CDK8: variants seen among roughly 807,000 people sequenced by gnomAD.
CDK8 encodes cyclin-dependent kinase 8.
In CDK8, 29 loss-of-function variants were observed where a neutral mutation model predicts 71.5. The ratio of observed to expected loss-of-function variants is 0.41; its 90% CI spans 0.30 to 0.55. The LOEUF is 0.55. CDK8 is among the 20% of genes least tolerant of loss of function. CDK8 has a pLI of 0.37. For missense variants in CDK8, 288 were observed against 572.6 expected (o/e 0.50, Z 5.07); for synonymous variants, 161 against 192.1 (o/e 0.84, Z 1.34).
rs377377394 is a variant in CDK8, at chr13:26,287,904, G to A, written c.128+33135G>A. ...TATTTTCTACTATCCTGTGACTTGT[G>A]TTTTTACCCCTGTAGTGTTGTCTTT... is the stretch of plus-strand genomic sequence containing the variant. On this transcript the variant is annotated intron_variant, in intron 1 of 12. Coordinates refer to ENST00000381527, the MANE Select transcript of CDK8 (RefSeq NM_001260.3). Among the ~76,000 whole-genome samples the A allele has an allele frequency of 5.3e-5, 8 of 152,218 alleles. No individual in the cohort carries two copies. In the East Asian group the frequency reaches 1.5e-3, roughly 29 times the overall value.
rs77214729 is a variant in CDK8, at chr13:26,367,900, T to C, written c.456+14020T>C. ...ATCTTTTTCTCAAAGAAGAGTCAACTGTAGTGCTTATTTTCAAGGAGAGGA... is the reference window on the plus strand; with the variant it reads ...ATCTTTTTCTCAAAGAAGAGTCAACCGTAGTGCTTATTTTCAAGGAGAGGA... On this transcript the variant is annotated intron_variant, in intron 4 of 12. Coordinates refer to ENST00000381527, the MANE Select transcript of CDK8 (RefSeq NM_001260.3). Among the ~76,000 whole-genome samples, 349 of 152,284 alleles carry C rather than the reference T, an allele frequency of 2.3e-3. 14 individuals are homozygous for C. In the East Asian group the frequency reaches 0.058, roughly 25 times the overall value.
At chr13:26,302,352 C>G (rs750541847) in intron 1 of CDK8, among the ~76,000 whole-genome samples, 1 of 152,256 alleles carries the variant, frequency 6.6e-6, no homozygotes, top group Non-Finnish European at 1.5e-5. Flanking sequence ...AAGGGTCTTC[C>G]CAATTTTTTT....
chr13:26,354,429 T>C (rs558779314), intron 4 of CDK8, among the ~76,000 whole-genome samples: 66 of 152,356 alleles, frequency 4.3e-4, no homozygotes, highest in South Asian at 1.4e-3. Context: ...AACTGACTTT[T>C]TAATTTTACG....
chr13:26,373,470 A>G (rs1002757005), intron 4 of CDK8, among the ~76,000 whole-genome samples: 2 of 152,208 alleles, frequency 1.3e-5, no homozygotes, highest in Admixed American at 1.3e-4. Flanking sequence ...TCCTTTTGAT[A>G]TAACAATCTT....
chr13:26,401,541 A>G lies in CDK8; in HGVS notation c.1186A>G (p.Thr396Ala). 6.2e-7 allele frequency: 1 copy of G among 1,614,212 alleles called. No homozygotes were observed. The highest frequency in any genetic ancestry group is 8.5e-7 in the Non-Finnish European group (1 of 1,180,016). ...CCCAGGGAATCAAGACAGCAGTCAC[A>G]CACAGGGACCCCCGTTGAAGAAAGT... ...GHPGNQDSSH[T>A]QGPPLKKVRV... The change falls in exon 12 of 13, where the codon ACA becomes GCA. Residue 396 changes from threonine to alanine, a missense_variant. Coordinates refer to ENST00000381527, the MANE Select transcript of CDK8 (RefSeq NM_001260.3). This position sits in a 1 kb window ranked among gnomAD's most constrained non-coding sequence, Gnocchi z 4.5.
At chr13:26,272,574 CTT>C (rs2137873164) in intron 1 of CDK8, among the ~76,000 whole-genome samples, 1 of 152,328 alleles carries the variant, frequency 6.6e-6, no homozygotes, top group East Asian at 1.9e-4. Flanking sequence ...GGAGTACACT[CTT>C]TACTTTTTAT....
intron 1 of CDK8, among the ~76,000 whole-genome samples, chr13:26,270,342 T>A (rs1872248334): frequency 6.7e-6 from 1 of 149,864 alleles, no homozygotes; most frequent in Non-Finnish European, 1.5e-5. Context: ...TGAGCCAAGA[T>A]CACGCCATTG....
At chr13:26,292,951 A>G (rs1873369226) in intron 1 of CDK8, among the ~76,000 whole-genome samples, 1 of 151,990 alleles carries the variant, frequency 6.6e-6, no homozygotes, top group African/African-American at 2.4e-5. Context: ...TGTGGATTTT[A>G]TTTTATTTAT....
chr13:26,393,241 A>G (rs1396570336), intron 6 of CDK8, 126 bp from the exon 7 acceptor site: 1 of 608,344 alleles, frequency 1.6e-6, no homozygotes, highest in Non-Finnish European at 2.8e-6. Flanking sequence ...GAAAGAAAGA[A>G]AAAAACACTC....
intron 1 of CDK8, among the ~76,000 whole-genome samples, chr13:26,325,544 C>T (rs963136378): frequency 6.6e-6 from 1 of 152,010 alleles, no homozygotes; most frequent in African/African-American, 2.4e-5. Flanking sequence ...TGAGGTATCT[C>T]GGTAAGAAAA....
chr13:26,353,770 G>T lies in CDK8; in HGVS notation c.346G>T (p.Ala116Ser). 1 of 1,612,798 alleles carries T rather than the reference G, an allele frequency of 6.2e-7. No homozygotes were observed. Among genetic ancestry groups the T allele is most frequent in the Non-Finnish European group, 8.5e-7 (1 of 1,179,268 alleles). The change falls in exon 4 of 13, where the codon GCA (alanine) becomes TCA (serine). Residue 116 changes from alanine (A) to serine (S), a missense_variant. Ala to Ser is a moderately conservative substitution (Grantham distance 99). Coordinates refer to ENST00000381527, the MANE Select transcript of CDK8 (RefSeq NM_001260.3). ...HIIKFHRASK[A>S]NKKPVQLPRG... ...AATCAAGTTTCACAGAGCTTCTAAA[G>T]CAAACAAGAAGCCAGTTCAGTTACC...
rs752866068 is a variant in CDK8 at position 26,401,171 on chromosome 13, A to G, written c.1032-98A>G. On this transcript the variant is annotated intron_variant, in intron 10 of 12. Transcript: ENST00000381527. The surrounding 1 kb of genome is among the most constrained non-coding windows in gnomAD (Gnocchi z 4.5). ...GCTTATATTTGCAAATATGGAGACA[A>G]AGTTCATCTTAAAAGATTAAAATGA... 3 of 946,826 alleles carry G rather than the reference A, an allele frequency of 3.2e-6. No homozygotes were observed. Among genetic ancestry groups the G allele is most frequent in the Non-Finnish European group, 4.9e-6 (3 of 618,460 alleles). The allele number at this position is 946,826 out of a possible 1,614,324, so 58.7% of individuals were successfully genotyped here. A position where few individuals can be genotyped will look rare whatever the true frequency, so the allele number is the denominator to read the frequency against.
At chr13:26,358,668 T>C (rs570212131) in intron 4 of CDK8, among the ~76,000 whole-genome samples, 2 of 152,310 alleles carry the variant, frequency 1.3e-5, no homozygotes, top group South Asian at 4.1e-4. Context: ...CAAAGCAGGG[T>C]CTCAAAGAGG....
intron 1 of CDK8, among the ~76,000 whole-genome samples, chr13:26,319,722 T>C (rs1299873255): frequency 2.7e-5 from 4 of 150,674 alleles, no homozygotes; most frequent in South Asian, 2.1e-4. Context: ...AAACCCATCC[T>C]GAAATTAATA....
At chr13:26,324,480 G>T (rs1400424013) in intron 1 of CDK8, among the ~76,000 whole-genome samples, 1 of 152,134 alleles carries the variant, frequency 6.6e-6, no homozygotes, top group Admixed American at 6.6e-5. Flanking sequence ...AACACTTGGA[G>T]TATAACATGA....
At chr13:26,367,072 T>A in intron 4 of CDK8, among the ~76,000 whole-genome samples, 1 of 152,322 alleles carries the variant, frequency 6.6e-6, no homozygotes. Flanking sequence ...ACAGCTATAA[T>A]CCTTGAAGGT....
In CDK8 at chr13:26,373,507, A is replaced by C. The variant is rs755723444; in HGVS notation, c.457-9307A>C. Among the ~76,000 whole-genome samples, 120 of 152,326 alleles carry C rather than the reference A, an allele frequency of 7.9e-4. 1 individual carries two copies. Among genetic ancestry groups the C allele is most frequent in the Non-Finnish European group, 1.1e-3 (76 of 68,028 alleles). Reference sequence around the variant, plus strand: ...TAACAAATTTTCTTAAAGATATTATAAAGAATGGTGCAAGGGCCATCACAG... The same window carrying C: ...TAACAAATTTTCTTAAAGATATTATCAAGAATGGTGCAAGGGCCATCACAG... On this transcript the variant is annotated intron_variant, in intron 4 of 12. Transcript: ENST00000381527.
At chr13:26,290,715 T>C (rs1873252414) in intron 1 of CDK8, among the ~76,000 whole-genome samples, 1 of 152,192 alleles carries the variant, frequency 6.6e-6, no homozygotes, top group East Asian at 1.9e-4. Context: ...TTTGGGTTTC[T>C]AAAGAAAAAA....
At chr13:26,359,671 A>T in intron 4 of CDK8, 1 of 395,910 alleles carries the variant, frequency 2.5e-6, no homozygotes, top group South Asian at 1.9e-5. Flanking sequence ...TTTTGAGAGC[A>T]TCTAGACAAC....
Sources: allele counts gnomAD v4.1 joint callset (sites outside exome capture counted in the v4.1 genomes callset), GRCh38; gene constraint gnomAD v4.1.1; non-coding constraint Gnocchi (gnomAD v3.1); transcripts MANE v1.5; gene names NCBI Gene and HGNC (gene_info 2026-07-23, HGNC 2026-07-21).